The following SH3KBP1 variants were observed in gnomAD, a reference collection of about 807,000 sequenced individuals.
The protein encoded by SH3KBP1 is SH3 domain-containing kinase-binding protein 1.
In SH3KBP1, 8 loss-of-function variants were observed where a neutral mutation model predicts 50.1. The observed-to-expected ratio is 0.16, with a 90% CI of 0.09 to 0.29. SH3KBP1 has a LOEUF of 0.29. Ranked by LOEUF, SH3KBP1 falls within the 10% of genes least tolerant of loss-of-function variation. SH3KBP1 has a pLI of 1.00. For missense variants in SH3KBP1, 377 were observed against 535.2 expected, an observed-to-expected ratio of 0.70 and a Z score of 2.92; for synonymous variants, 227 against 218.6, an observed-to-expected ratio of 1.04 and a Z score of -0.34.
intron 12 of SH3KBP1, among the ~76,000 whole-genome samples, chrX:19,571,763 T>A (rs776740576): frequency 7.3e-5 from 8 of 110,003 alleles, no homozygotes; most frequent in African/African-American, 2.3e-4. Context: ...TCAAAACTTA[T>A]AAGACCACAT....
At chrX:19,831,795 A>AAAAAAAAAAAAAG (rs1171207030) in intron 2 of SH3KBP1, among the ~76,000 whole-genome samples, 6 of 106,420 alleles carry the variant, frequency 5.6e-5, no homozygotes, top group African/African-American at 1.0e-4. Flanking sequence ...CCATCCCAAA[A>AAAAAAAAAAAAAG]AAAAAAAAAG....
At position 19,682,212 on chromosome X, in the gene SH3KBP1, G is replaced by A. The variant is rs184838683; in HGVS notation, c.726+1611C>T. ...TTGGACATACAGCTCTGAGGTTCAG[G>A]AAAGAAATGTGCTGAGATAAAAACT... On this transcript the variant is annotated intron_variant, in intron 6 of 17. Transcript: ENST00000397821. Among the ~76,000 whole-genome samples, 29 of 111,046 alleles carry A rather than the reference G, an allele frequency of 2.6e-4. 2 individuals carry two copies. In the Admixed American group the frequency reaches 2.7e-3, roughly 10 times the overall value.
At chrX:19,671,111 G>A in intron 6 of SH3KBP1, 1 of 776,486 alleles carries the variant, frequency 1.3e-6, no homozygotes, top group Non-Finnish European at 1.7e-6. Context: ...TGTTGCTGCT[G>A]CAATCTGGGC....
intron 2 of SH3KBP1, among the ~76,000 whole-genome samples, chrX:19,794,833 G>A (rs745456493): frequency 2.7e-5 from 3 of 112,146 alleles, no homozygotes; most frequent in African/African-American, 6.5e-5. Flanking sequence ...TGCTAGCTAC[G>A]ATTTTTTTTG....
chrX:19,544,810 A>T (rs2065040437), intron 15 of SH3KBP1, among the ~76,000 whole-genome samples: 1 of 111,977 alleles, frequency 8.9e-6, no homozygotes, highest in South Asian at 3.7e-4. Flanking sequence ...AGAGCACAAC[A>T]TGACAACTCC....
intron 6 of SH3KBP1, among the ~76,000 whole-genome samples, chrX:19,647,083 G>A (rs748201361): frequency 2.1e-4 from 24 of 112,125 alleles, no homozygotes; most frequent in Non-Finnish European, 3.9e-4. Flanking sequence ...TCACATTCCT[G>A]TTCACACTTC....
intron 6 of SH3KBP1, among the ~76,000 whole-genome samples, chrX:19,680,072 A>G (rs1265422294): frequency 9.0e-6 from 1 of 111,556 alleles, no homozygotes; most frequent in Admixed American, 9.5e-5. Context: ...AGACAAGTGG[A>G]TCTTAATATT....
At chrX:19,817,822 A>G (rs2067403174) in intron 2 of SH3KBP1, among the ~76,000 whole-genome samples, 1 of 111,293 alleles carries the variant, frequency 9.0e-6, no homozygotes, top group African/African-American at 3.3e-5. Context: ...TTTAGTAGAG[A>G]CAGGGTTTCA....
At chrX:19,606,055 A>G (rs930438170) in intron 9 of SH3KBP1, among the ~76,000 whole-genome samples, 2 of 112,161 alleles carry the variant, frequency 1.8e-5, no homozygotes, top group African/African-American at 6.5e-5. Context: ...AGTTTTAGCT[A>G]GAGTCTTCCT....
At chrX:19,766,855 T>C (rs928366204) in intron 2 of SH3KBP1, among the ~76,000 whole-genome samples, 7 of 111,349 alleles carry the variant, frequency 6.3e-5, no homozygotes, top group Non-Finnish European at 9.4e-5. Context: ...GTATTTTTGC[T>C]TTTGTTGCCC....
chrX:19,693,987 T>C (rs1220935604), intron 5 of SH3KBP1, among the ~76,000 whole-genome samples: 4 of 112,164 alleles, frequency 3.6e-5, no homozygotes, highest in African/African-American at 9.7e-5. Context: ...TCAGCCAACA[T>C]GCTATCGCTC....
Position 19,668,969 on chromosome X carries a change from TATATA to T in SH3KBP1, c.726+14849_726+14853del, listed in dbSNP as rs1569405072. ...ATATATATATATATATATATATATA[TATATA>T]TTTTTTGAGACAGGCTGTCACTCTG... On this transcript the variant is annotated intron_variant, in intron 6 of 17. Coordinates refer to ENST00000397821, the MANE Select transcript of SH3KBP1 (RefSeq NM_031892.3). 2.9e-3 allele frequency among the ~76,000 whole-genome samples: 148 copies of T among 50,663 alleles called. 2 individuals are homozygous for T. The highest frequency in any genetic ancestry group is 0.019 in the African/African-American group (133 of 6,899). 44.0% of individuals were successfully genotyped at this position (50,663 alleles called of 115,157 possible).
intron 6 of SH3KBP1, among the ~76,000 whole-genome samples, chrX:19,674,783 T>TA (rs1253701937): frequency 9.0e-6 from 1 of 111,357 alleles, no homozygotes; most frequent in African/African-American, 3.3e-5. Context: ...TTTGCCATAA[T>TA]AAAAAATTAA....
intron 6 of SH3KBP1, among the ~76,000 whole-genome samples, chrX:19,669,306 G>GAATAAT (rs756765901): frequency 7.9e-5 from 8 of 101,308 alleles, no homozygotes; most frequent in African/African-American, 2.6e-4. Context: ...CTTCAACTTT[G>GAATAAT]AATAATAATA....
chrX:19,785,367 A>G (rs1269151500), intron 2 of SH3KBP1, among the ~76,000 whole-genome samples: 5 of 109,002 alleles, frequency 4.6e-5, no homozygotes, highest in African/African-American at 1.7e-4. Context: ...AAAATACAAA[A>G]AAAAAAAAAA....
intron 7 of SH3KBP1, among the ~76,000 whole-genome samples, chrX:19,637,700 T>G (rs1226000176): frequency 9.0e-6 from 1 of 111,465 alleles, no homozygotes; most frequent in Non-Finnish European, 1.9e-5. Flanking sequence ...TCCCTGCAGA[T>G]GTGAATCTTC....
At chrX:19,835,105 T>C (rs1253070364) in intron 2 of SH3KBP1, among the ~76,000 whole-genome samples, 3 of 111,150 alleles carry the variant, frequency 2.7e-5, no homozygotes, top group African/African-American at 6.6e-5. Context: ...GAATTCTATA[T>C]TCATTCATTC....
At chrX:19,589,164 A>G (rs2066662020) in intron 11 of SH3KBP1, among the ~76,000 whole-genome samples, 1 of 112,615 alleles carries the variant, frequency 8.9e-6, no homozygotes, top group Admixed American at 9.3e-5. Flanking sequence ...CCTGAGCATT[A>G]CAGGGCAGCG....
At chrX:19,690,796 A>G (rs2063269062) in intron 5 of SH3KBP1, among the ~76,000 whole-genome samples, 1 of 112,356 alleles carries the variant, frequency 8.9e-6, no homozygotes, top group Admixed American at 9.4e-5. Context: ...AATAAGAAGA[A>G]ATAAGCTAAA....
Sources: allele counts gnomAD v4.1 joint callset (sites outside exome capture counted in the v4.1 genomes callset), GRCh38; gene constraint gnomAD v4.1.1; transcripts MANE v1.5; gene names NCBI Gene and HGNC (gene_info 2026-07-23, HGNC 2026-07-21).